The following KDSR variants were observed in gnomAD, a reference collection of about 807,000 sequenced individuals.
KDSR encodes 3-ketodihydrosphingosine reductase, also known as 3-dehydrosphinganine reductase.
In KDSR, 23 loss-of-function variants were observed where a neutral mutation model predicts 41.3. The observed-to-expected ratio is 0.56, with a 90% CI of 0.40 to 0.79. The LOEUF (loss-of-function observed/expected upper bound fraction) is 0.79. Among genes scored for constraint, KDSR ranks in the 30% least tolerant of loss-of-function variants. The probability of loss-of-function intolerance (pLI) is 0.00; values close to 1 mark genes in which losing one functional copy is unlikely to be tolerated. For synonymous variants in KDSR, 138 were observed against 151.7 expected, an observed-to-expected ratio of 0.91 and a Z score of 0.66; for missense variants, 351 against 416.8, an observed-to-expected ratio of 0.84 and a Z score of 1.37.
intron 7 of KDSR, among the ~76,000 whole-genome samples, chr18:63,341,216 A>C (rs1914331884): frequency 6.6e-6 from 1 of 152,244 alleles, no homozygotes; most frequent in Non-Finnish European, 1.5e-5. Context: ...TACAAGATAT[A>C]GAAGAAATTT....
chr18:63,356,697 G>A (rs1454461041), intron 3 of KDSR, among the ~76,000 whole-genome samples: 2 of 152,318 alleles, frequency 1.3e-5, no homozygotes, highest in African/African-American at 4.8e-5. Flanking sequence ...TCATGATGAG[G>A]AAGCCCAGAG....
intron 5 of KDSR, 61 bp downstream of exon 5, chr18:63,355,143 C>T (rs1489695522): frequency 1.8e-6 from 2 of 1,101,006 alleles, no homozygotes; most frequent in Non-Finnish European, 2.8e-6. Context: ...AAAGCTTTTA[C>T]CCGTAGCTTG....
At chr18:63,342,026 G>T (rs979172140) in intron 7 of KDSR, among the ~76,000 whole-genome samples, 3 of 151,676 alleles carry the variant, frequency 2.0e-5, no homozygotes, top group African/African-American at 7.3e-5. Context: ...AAAATCAGCC[G>T]GGCTTGGTGG....
intron 5 of KDSR, among the ~76,000 whole-genome samples, chr18:63,353,886 C>T (rs1055640322): frequency 6.6e-6 from 1 of 151,914 alleles, no homozygotes; most frequent in Non-Finnish European, 1.5e-5. Flanking sequence ...TGCTTTAGAA[C>T]TAGGCGGAGG....
chr18:63,340,000 G>A (rs1345471989), intron 7 of KDSR, among the ~76,000 whole-genome samples: 1 of 152,168 alleles, frequency 6.6e-6, no homozygotes, highest in Admixed American at 6.5e-5. Flanking sequence ...TGTTTTGAAG[G>A]AGCCACGATT....
At chr18:63,353,720 A>C (rs1262527267) in intron 5 of KDSR, among the ~76,000 whole-genome samples, 1 of 152,236 alleles carries the variant, frequency 6.6e-6, no homozygotes, top group East Asian at 1.9e-4. Flanking sequence ...TAAGAGAAAG[A>C]GGTCAGACAC....
intron 9 of KDSR, among the ~76,000 whole-genome samples, chr18:63,332,269 G>A (rs1441936487): frequency 1.3e-5 from 2 of 152,270 alleles, no homozygotes; most frequent in East Asian, 1.9e-4. Context: ...GCATGAAAGC[G>A]AGACCCTATA....
intron 6 of KDSR, chr18:63,346,658 T>C (rs1914511738): frequency 2.6e-5 from 4 of 152,160 alleles, no homozygotes; most frequent in Admixed American, 2.6e-4. Context: ...ACCAGTCCAG[T>C]CGCTTCCTAG....
chr18:63,358,856 T>C (rs1174006577), intron 3 of KDSR, among the ~76,000 whole-genome samples: 1 of 145,346 alleles, frequency 6.9e-6, no homozygotes, highest in Non-Finnish European at 1.5e-5. Context: ...TATTATTATT[T>C]AGAGTTATGT....
At chr18:63,352,417 C>T (rs567395923) in intron 5 of KDSR, among the ~76,000 whole-genome samples, 50 of 152,134 alleles carry the variant, frequency 3.3e-4, no homozygotes, top group Non-Finnish European at 5.9e-4. Context: ...TGGGTTCAAG[C>T]GATTCTCCTG....
chr18:63,339,412 A>G (rs560376945), intron 7 of KDSR, among the ~76,000 whole-genome samples: 1 of 152,358 alleles, frequency 6.6e-6, no homozygotes, highest in South Asian at 2.1e-4. Flanking sequence ...TGCTTCTTAA[A>G]GGACTTGCTG....
rs369571024 is a variant in KDSR, at chr18:63,334,010, AT to A, written c.879+1246del. On this transcript the variant is annotated intron_variant, in intron 9 of 9. Transcript: ENST00000645214. Reference sequence around the variant, plus strand: ...AATTAAAACATAAAAGAATTCATGCATTTGTTCAGCTCAGGGATTCTGGAGT... The same window carrying A: ...AATTAAAACATAAAAGAATTCATGCATTGTTCAGCTCAGGGATTCTGGAGT... Among the ~76,000 whole-genome samples, 461 of 152,264 alleles carry A rather than the reference AT, an allele frequency of 3.0e-3. 1 individual carries two copies. Among genetic ancestry groups the A allele is most frequent in the African/African-American group, 0.011 (442 of 41,546 alleles).
chr18:63,338,062 G>A (rs1425754735), intron 8 of KDSR, among the ~76,000 whole-genome samples: 1 of 152,222 alleles, frequency 6.6e-6, no homozygotes, highest in Non-Finnish European at 1.5e-5. Context: ...TCAGGACAAA[G>A]TTCTTCACAC....
Position 63,334,420 on chromosome 18 carries a change from G to A in KDSR, c.879+837C>T, listed in dbSNP as rs1210285187. Among the ~76,000 whole-genome samples the A allele has an allele frequency of 4.0e-5, 6 of 149,152 alleles. No individual in the cohort carries two copies. In the East Asian group the frequency reaches 7.9e-4, roughly 20 times the overall value. On this transcript the variant is annotated intron_variant, in intron 9 of 9. Transcript: ENST00000645214. ...GGCTGGAGTGCAGTGGCTTGATCTC[G>A]GCTCACTGCAACCTCCACCTCCCGG... is the stretch of plus-strand genomic sequence containing the variant.
At chr18:63,359,504 C>T in intron 3 of KDSR, 6 of 393,608 alleles carry the variant, frequency 1.5e-5, no homozygotes, top group East Asian at 3.8e-5. Context: ...AATTATTTGC[C>T]AGTAAAACAT....
chr18:63,357,900 G>A (rs1270864741), intron 3 of KDSR, among the ~76,000 whole-genome samples: 2 of 152,124 alleles, frequency 1.3e-5, no homozygotes, highest in African/African-American at 4.8e-5. Flanking sequence ...TGAGTGGTCT[G>A]GGAATGGTGG....
intron 7 of KDSR, among the ~76,000 whole-genome samples, chr18:63,340,868 A>G (rs534235920): frequency 2.8e-4 from 42 of 152,344 alleles, no homozygotes; most frequent in African/African-American, 9.9e-4. Flanking sequence ...AAAAGTTGGC[A>G]CGTAGGTGGT....
intron 7 of KDSR, among the ~76,000 whole-genome samples, chr18:63,341,943 C>A (rs962093073): frequency 1.3e-5 from 2 of 150,648 alleles, no homozygotes; most frequent in African/African-American, 4.9e-5. Flanking sequence ...TTTGGGAGGC[C>A]AGAGTGGGCC....
In KDSR at chr18:63,331,294, C is replaced by G. The variant is rs199895204; in HGVS notation, c.*488G>C. 7.1e-3 allele frequency: 577 copies of G among 81,700 alleles called. 5 individuals are homozygous for G. The highest frequency in any genetic ancestry group is 0.021 in the Middle Eastern group (5 of 242). The allele number at this position is 81,700 out of a possible 1,614,324, so 5.1% of individuals were successfully genotyped here. ...AGAGAGAGAGAGAGAGACAGAGAGA[C>G]AGAGAGACAGAGAGACAGAGAGACA... is the stretch of plus-strand genomic sequence containing the variant. On this transcript the variant is annotated 3_prime_UTR_variant, in exon 10 of 10. Coordinates refer to ENST00000645214, the MANE Select transcript of KDSR (RefSeq NM_002035.4).
Sources: allele counts gnomAD v4.1 joint callset (sites outside exome capture counted in the v4.1 genomes callset), GRCh38; gene constraint gnomAD v4.1.1; transcripts MANE v1.5; gene names NCBI Gene and HGNC (gene_info 2026-07-23, HGNC 2026-07-21).